The following IL24 variants were observed in gnomAD, a reference collection of about 807,000 sequenced individuals.
The protein encoded by IL24 is interleukin-24.
IL24 carries 24 observed loss-of-function variants against 27.6 expected under a neutral mutation model. That is an observed-to-expected ratio of 0.87 (90% CI 0.63 to 1.22). The LOEUF is 1.22. Among genes scored for constraint, IL24 ranks in the 50% most tolerant of loss-of-function variants. IL24 has a pLI of 0.00. For synonymous variants in IL24, 99 were observed against 93.1 expected (o/e 1.06, Z -0.36); for missense variants, 240 against 237.0 (o/e 1.01, Z -0.08).
In IL24 at chr1:206,899,448, C is replaced by T. The variant is rs774828134; in HGVS notation, c.173C>T (p.Pro58Leu). The change falls in exon 3 of 7, where the codon CCC (proline) becomes CTC (leucine). Residue 58 changes from proline (P) to leucine (L), a missense_variant. Coordinates refer to ENST00000294984, the MANE Select transcript of IL24 (RefSeq NM_006850.3). The part of the protein sequence containing the change: ...GAQGQEFHFG[P>L]CQVKGVVPQK... ...CAGGGCCAAGAATTCCACTTTGGGC[C>T]CTGCCAAGTGAAGGGGGTTGTTCCC... 2.5e-6 allele frequency: 4 copies of T among 1,613,942 alleles called. No homozygotes were observed. The East Asian group carries it at 6.7e-5, about 27-fold the overall frequency.
chr1:206,900,401 C>T (rs1228663800), intron 4 of IL24, 44 bp downstream of exon 4: 1 of 1,575,172 alleles, frequency 6.3e-7, no homozygotes, highest in African/African-American at 1.3e-5. Context: ...GACGGGTCTA[C>T]TGTGGGTGGG....
chr1:206,899,604 G>A, intron 3 of IL24, 89 bp downstream of exon 3: 1 of 1,130,356 alleles, frequency 8.8e-7, no homozygotes, highest in East Asian at 2.5e-5. Context: ...TATGATTCTG[G>A]AGTCCTTCAC....
intron 5 of IL24, 45 bp downstream of exon 5, chr1:206,901,697 C>T (rs1572607097): frequency 1.3e-6 from 2 of 1,536,264 alleles, no homozygotes; most frequent in Non-Finnish European, 1.8e-6. Context: ...GGGTTCAAGT[C>T]TAGGTCTGCT....
At position 206,901,618 on chromosome 1, in the gene IL24, A is replaced by C. The variant is rs773517737; in HGVS notation, c.428A>C (p.Asn143Thr). Residue 143 changes from asparagine (N) to threonine (T), a missense_variant, in exon 5 of 7, where the codon AAC (asparagine) becomes ACC (threonine). Physicochemically the swap from Asn to Thr is moderately conservative, Grantham distance 65. Coordinates refer to ENST00000294984, the MANE Select transcript of IL24 (RefSeq NM_006850.3). ...AAGTCATTCTCTACTCTGGCCAACA[A>C]CTTTGTTCTCATCGTGTCACAACTG... ...TLKSFSTLAN[N>T]FVLIVSQLQP... 2 of 1,614,212 alleles carry C rather than the reference A, an allele frequency of 1.2e-6. No homozygotes were observed. The highest frequency in any genetic ancestry group is 1.3e-5 in the African/African-American group (1 of 75,060).
chr1:206,898,250 G>A (rs1150253), intron 2 of IL24, among the ~76,000 whole-genome samples: 59,406 of 150,198 alleles, frequency 0.4, 12,333 homozygotes, highest in Middle Eastern at 0.51. Context: ...CATAGCCCCC[G>A]TCCCCCGTGA....
intron 4 of IL24, 79 bp downstream of exon 4, chr1:206,900,436 T>C (rs1678335442): frequency 1.6e-6 from 2 of 1,269,770 alleles, no homozygotes; most frequent in Non-Finnish European, 2.3e-6. Context: ...TTAGGGGAGG[T>C]TGATGAAAGC....
Position 206,903,314 on chromosome 1 carries a change from G to A in IL24, c.*255G>A. 1 of 406,634 alleles carries A rather than the reference G, an allele frequency of 2.5e-6. No homozygotes were observed. The highest frequency in any genetic ancestry group is 4.5e-6 in the Non-Finnish European group (1 of 223,342). The allele number at this position is 406,634 out of a possible 1,614,324, so 25.2% of individuals were successfully genotyped here. A position where few individuals can be genotyped will look rare whatever the true frequency, so the allele number is the denominator to read the frequency against. ...TTACAACTCTATTTAATTAATGTCA[G>A]TATTTCAACTGAAGTTCTATTTATT... On this transcript the variant is annotated 3_prime_UTR_variant, in exon 7 of 7. Transcript: ENST00000294984.
intron 4 of IL24, 78 bp downstream of exon 4, chr1:206,900,435 G>C: frequency 7.9e-7 from 1 of 1,265,910 alleles, no homozygotes; most frequent in Non-Finnish European, 1.2e-6. Context: ...CTTAGGGGAG[G>C]TTGATGAAAG....
At chr1:206,902,917 G>C in intron 6 of IL24, 59 bp from the exon 7 acceptor site, 2 of 1,613,214 alleles carry the variant, frequency 1.2e-6, no homozygotes, top group Non-Finnish European at 8.5e-7. Context: ...ATGGCAGGTT[G>C]GAAGAAAGAC....
chr1:206,900,207 AG>A, intron 3 of IL24, 87 bp from the exon 4 acceptor site: 1 of 1,171,808 alleles, frequency 8.5e-7, no homozygotes, highest in Non-Finnish European at 1.3e-6. Context: ...AGATAGATTT[AG>A]GGGTCTAGGG....
At chr1:206,902,930 T>G (rs1219134392) in intron 6 of IL24, 46 bp from the exon 7 acceptor site, 5 of 1,613,930 alleles carry the variant, frequency 3.1e-6, no homozygotes, top group Non-Finnish European at 4.2e-6. Context: ...AGAAAGACTA[T>G]TCTCATAGCT....
At position 206,899,319 on chromosome 1, in the gene IL24, G is replaced by C; in HGVS notation, c.45-1G>C. ...CAGGCTGCCTCCCTTTCTTTCAGCA[G>C]ACCCTTCTGCCCTCCTTTGCTGGCG... On this transcript the variant is annotated splice_acceptor_variant, in intron 2 of 6. Coordinates refer to ENST00000294984, the MANE Select transcript of IL24 (RefSeq NM_006850.3). LOFTEE classifies it high-confidence loss of function. The C allele has an allele frequency of 6.2e-7, 1 of 1,613,214 alleles. No homozygotes were observed. The highest frequency in any genetic ancestry group is 8.5e-7 in the Non-Finnish European group (1 of 1,179,670).
Position 206,904,089 on chromosome 1 carries a change from A to G in IL24, c.*1030A>G, listed in dbSNP as rs1413376362. 3.3e-5 allele frequency: 5 copies of G among 152,346 alleles called. No homozygotes were observed. Among genetic ancestry groups the G allele is most frequent in the South Asian group, 2.1e-4 (1 of 4,828 alleles). 9.4% of individuals were successfully genotyped at this position (152,346 alleles called of 1,614,324 possible). A position where few individuals can be genotyped will look rare whatever the true frequency, so the allele number is the denominator to read the frequency against. On this transcript the variant is annotated 3_prime_UTR_variant, in exon 7 of 7. Transcript: ENST00000294984. ...GGAGGTGGGATATCACTTCCATGAC[A>G]TAAGTGCTATTGCAGAGCCGTGGCC...
chr1:206,902,522 A>G lies in IL24; in HGVS notation c.537+450A>G. On this transcript the variant is annotated intron_variant, in intron 6 of 6. Coordinates refer to ENST00000294984, the MANE Select transcript of IL24 (RefSeq NM_006850.3). ...AAATTATGACAACAAAGAAAACCCA[A>G]ATTTCATCCCCAGCCCCCCTAAAAA... 3 of 984,782 alleles carry G rather than the reference A, an allele frequency of 3.0e-6. No homozygotes were observed. The Admixed American group carries it at 1.8e-4, about 61-fold the overall frequency. 61.0% of individuals were successfully genotyped at this position (984,782 alleles called of 1,614,324 possible).
rs1678372380 is a variant in IL24 at position 206,901,417 on chromosome 1, G to A, written c.304-77G>A. On this transcript the variant is annotated intron_variant, in intron 4 of 6. Transcript: ENST00000294984. Reference sequence around the variant, plus strand: ...CTCTGCTGTGCTTATCTTGCCTTGGGTGGCATGTGGGTTGTTCCTTCAGGG... The same window carrying A: ...CTCTGCTGTGCTTATCTTGCCTTGGATGGCATGTGGGTTGTTCCTTCAGGG... 2.7e-6 allele frequency: 4 copies of A among 1,485,262 alleles called. No homozygotes were observed. In the South Asian group the frequency reaches 4.1e-5, roughly 15 times the overall value. 92.0% of individuals were successfully genotyped at this position (1,485,262 alleles called of 1,614,324 possible).
intron 4 of IL24, among the ~76,000 whole-genome samples, 182 bp from the exon 5 acceptor site, chr1:206,901,312 C>G (rs901501060): frequency 6.6e-6 from 1 of 152,154 alleles, no homozygotes; most frequent in African/African-American, 2.4e-5. Flanking sequence ...TTCCTCCTCT[C>G]AAACAAAGAC....
At chr1:206,899,979 C>T (rs906698366) in intron 3 of IL24, among the ~76,000 whole-genome samples, 4 of 152,304 alleles carry the variant, frequency 2.6e-5, no homozygotes, top group Middle Eastern at 3.4e-3. Flanking sequence ...CTTATTTCCT[C>T]CCATCTCAAA....
At position 206,903,123 on chromosome 1, in the gene IL24, C is replaced by A; in HGVS notation, c.*64C>A. ...TGTTCCCTGTGTCATTTCAAACAGTCTCCCTTCCTATGCTGTTCACTGGAC... is the reference window on the plus strand; with the variant it reads ...TGTTCCCTGTGTCATTTCAAACAGTATCCCTTCCTATGCTGTTCACTGGAC... On this transcript the variant is annotated 3_prime_UTR_variant, in exon 7 of 7. Coordinates refer to ENST00000294984, the MANE Select transcript of IL24 (RefSeq NM_006850.3). The A allele has an allele frequency of 7.3e-7, 1 of 1,365,648 alleles. No homozygotes were observed. Among genetic ancestry groups the A allele is most frequent in the Non-Finnish European group, 1.0e-6 (1 of 953,920 alleles). The allele number at this position is 1,365,648 out of a possible 1,614,324, so 84.6% of individuals were successfully genotyped here.
intron 6 of IL24, 66 bp downstream of exon 6, chr1:206,902,138 G>T (rs1678416033): frequency 1.3e-6 from 2 of 1,598,040 alleles, no homozygotes; most frequent in Non-Finnish European, 1.7e-6. Context: ...TCACACGAGG[G>T]CGCCTCAGAG....
Sources: gnomAD v4.1 joint callset for allele counts (sites outside exome capture counted in the v4.1 genomes callset) on GRCh38, gnomAD v4.1.1 for gene constraint, MANE v1.5 for transcripts, NCBI Gene and HGNC (gene_info 2026-07-23, HGNC 2026-07-21) for gene names.